KCNIP4: variants seen among roughly 807,000 people sequenced by gnomAD.
KCNIP4 encodes potassium voltage-gated channel interacting protein 4.
Under a neutral mutation model 34.0 loss-of-function variants are expected in KCNIP4, and 12 were observed. The ratio of observed to expected loss-of-function variants is 0.35; its 90% CI spans 0.23 to 0.57. The LOEUF is 0.57. Ranked by LOEUF, KCNIP4 falls within the 20% of genes least tolerant of loss-of-function variation. The probability of loss-of-function intolerance (pLI) is 0.83; values close to 1 mark genes in which losing one functional copy is unlikely to be tolerated. For synonymous variants in KCNIP4, 124 were observed against 102.2 expected, an observed-to-expected ratio of 1.21 and a Z score of -1.29; for missense variants, 238 against 311.7, an observed-to-expected ratio of 0.76 and a Z score of 1.78.
chr4:21,114,634 A>T (rs1182876271), intron 1 of KCNIP4, among the ~76,000 whole-genome samples: 1 of 152,164 alleles, frequency 6.6e-6, no homozygotes, highest in East Asian at 1.9e-4. Flanking sequence ...TAGTTATCAT[A>T]CTCCGAGTGT....
intron 8 of KCNIP4, 26 bp downstream of exon 8, chr4:20,731,980 A>G (rs753817914): frequency 1.9e-6 from 3 of 1,612,476 alleles, no homozygotes; most frequent in African/African-American, 2.7e-5. Flanking sequence ...AGCTGAATTG[A>G]TAGTTATTAC....
intron 2 of KCNIP4, among the ~76,000 whole-genome samples, chr4:20,870,876 C>T (rs995233265): frequency 7.2e-5 from 11 of 152,108 alleles, no homozygotes; most frequent in Non-Finnish European, 1.0e-4. Context: ...TCTTCCTCCT[C>T]AACCTTCTCT....
At chr4:20,846,301 A>G (rs1009203872) in intron 3 of KCNIP4, among the ~76,000 whole-genome samples, 2 of 152,318 alleles carry the variant, frequency 1.3e-5, no homozygotes, top group East Asian at 3.9e-4. Flanking sequence ...TGGGAAGACT[A>G]GGTTATATAT....
intron 1 of KCNIP4, among the ~76,000 whole-genome samples, chr4:21,189,361 C>G (rs910608224): frequency 1.3e-5 from 2 of 152,084 alleles, no homozygotes; most frequent in African/African-American, 2.4e-5. Context: ...TTTTAAACTT[C>G]GAGAAAAAGC....
At position 21,298,521 on chromosome 4, in the gene KCNIP4, C is replaced by T. The variant is rs576984503; in HGVS notation, c.62-415812G>A. On this transcript the variant is annotated intron_variant, in intron 1 of 8. Transcript: ENST00000382152. ...CATCTTATGTTGAATTTCCTCCTTTCTCCAATCACCAGCCCTTCTCTGCCC... is the reference window on the plus strand; with the variant it reads ...CATCTTATGTTGAATTTCCTCCTTTTTCCAATCACCAGCCCTTCTCTGCCC... Among the ~76,000 whole-genome samples the T allele has an allele frequency of 7.2e-5, 11 of 152,168 alleles. No homozygotes were observed. The East Asian group carries it at 2.1e-3, about 29-fold the overall frequency.
At chr4:21,049,468 A>C (rs28615834) in intron 1 of KCNIP4, among the ~76,000 whole-genome samples, 19,963 of 152,198 alleles carry the variant, frequency 0.13, 1,580 homozygotes, top group African/African-American at 0.22. Context: ...CAGTACCTAC[A>C]GTCTAAACTA....
intron 1 of KCNIP4, among the ~76,000 whole-genome samples, chr4:20,922,209 G>A (rs1729450729): frequency 6.6e-6 from 1 of 152,126 alleles, no homozygotes; most frequent in Non-Finnish European, 1.5e-5. Context: ...TTCCTTCTGG[G>A]TATATCTGTG....
intron 1 of KCNIP4, among the ~76,000 whole-genome samples, chr4:21,914,740 G>A (rs1255116617): frequency 6.6e-6 from 1 of 152,118 alleles, no homozygotes; most frequent in African/African-American, 2.4e-5. Context: ...CCACATTTCT[G>A]TTTATATGTT....
intron 1 of KCNIP4, among the ~76,000 whole-genome samples, chr4:21,252,139 T>G (rs1760753243): frequency 1.3e-5 from 2 of 150,132 alleles, no homozygotes; most frequent in Non-Finnish European, 3.0e-5. Flanking sequence ...GTTTTTTTTT[T>G]TTTTTTTGAG....
At chr4:21,730,537 G>A (rs921016453) in intron 1 of KCNIP4, among the ~76,000 whole-genome samples, 1 of 152,062 alleles carries the variant, frequency 6.6e-6, no homozygotes, top group Non-Finnish European at 1.5e-5. Flanking sequence ...TATATATTGG[G>A]GGTGAGGTCT....
chr4:20,981,018 C>T (rs187216058), intron 1 of KCNIP4, among the ~76,000 whole-genome samples: 293 of 152,192 alleles, frequency 1.9e-3, no homozygotes, highest in African/African-American at 6.6e-3. Flanking sequence ...CTTTACTTGA[C>T]TACTGATCAA....
chr4:21,106,640 C>T (rs1052492334), intron 1 of KCNIP4, among the ~76,000 whole-genome samples: 3 of 151,454 alleles, frequency 2.0e-5, no homozygotes, highest in African/African-American at 4.9e-5. Context: ...CTTCTGCTAG[C>T]GTTTGAATGT....
chr4:21,371,449 A>G (rs1425457512), intron 1 of KCNIP4, among the ~76,000 whole-genome samples: 1 of 147,008 alleles, frequency 6.8e-6, no homozygotes, highest in African/African-American at 2.7e-5. Context: ...AGGCTCTGGA[A>G]TCAATCTGCT....
At chr4:20,747,277 A>G (rs1405944460) in intron 5 of KCNIP4, among the ~76,000 whole-genome samples, 2 of 152,208 alleles carry the variant, frequency 1.3e-5, no homozygotes, top group South Asian at 2.1e-4. Context: ...AGTAATTTCA[A>G]GTAATGGAGT....
chr4:21,574,933 C>A (rs1740636074), intron 1 of KCNIP4, among the ~76,000 whole-genome samples: 1 of 152,120 alleles, frequency 6.6e-6, no homozygotes, highest in East Asian at 1.9e-4. Context: ...CTATTTTATA[C>A]CAATTCACTC....
At chr4:21,854,565 T>C (rs1560764240) in intron 1 of KCNIP4, among the ~76,000 whole-genome samples, 1 of 152,202 alleles carries the variant, frequency 6.6e-6, no homozygotes, top group Non-Finnish European at 1.5e-5. Context: ...CTATCCTGTG[T>C]GAATCTAGTA....
intron 1 of KCNIP4, among the ~76,000 whole-genome samples, chr4:21,032,862 T>A (rs577086376): frequency 2.4e-4 from 37 of 152,142 alleles, no homozygotes; most frequent in Non-Finnish European, 4.3e-4. Context: ...TGTTCAGAGA[T>A]TTCACATCAG....
intron 1 of KCNIP4, among the ~76,000 whole-genome samples, chr4:21,818,905 T>C (rs761361973): frequency 1.4e-4 from 22 of 152,058 alleles, no homozygotes; most frequent in Non-Finnish European, 2.6e-4. Context: ...AGAGTAGTAG[T>C]GAGGGAACCA....
intron 1 of KCNIP4, among the ~76,000 whole-genome samples, chr4:21,765,001 A>T (rs769481175): frequency 1.1e-4 from 17 of 151,978 alleles, no homozygotes; most frequent in Non-Finnish European, 2.1e-4. Context: ...AGCCATGTCA[A>T]CTTGGGATGG....
Sources: gnomAD v4.1 joint callset for allele counts (sites outside exome capture counted in the v4.1 genomes callset) on GRCh38, gnomAD v4.1.1 for gene constraint, MANE v1.5 for transcripts, NCBI Gene and HGNC (gene_info 2026-07-23, HGNC 2026-07-21) for gene names.